Variants in WFDC13 observed in about 807,000 individuals in gnomAD.
WFDC13 encodes WAP four-disulfide core domain protein 13.
In WFDC13, 6 loss-of-function variants were observed where a neutral mutation model predicts 10.9. The observed-to-expected ratio is 0.55, with a 90% CI of 0.30 to 1.09. The LOEUF is 1.09. Ranked by LOEUF, WFDC13 falls within the 50% of genes least tolerant of loss-of-function variation. The probability of loss-of-function intolerance (pLI) is 0.06; values close to 1 mark genes in which losing one functional copy is unlikely to be tolerated. For synonymous variants in WFDC13, 38 were observed against 39.5 expected (o/e 0.96, Z 0.14); for missense variants, 104 against 109.6 (o/e 0.95, Z 0.23).
At chr20:45,707,549 C>T (rs1984445643) in intron 3 of WFDC13, among the ~76,000 whole-genome samples, 1 of 152,196 alleles carries the variant, frequency 6.6e-6, no homozygotes, top group South Asian at 2.1e-4. Context: ...TTAGTAGCTA[C>T]CATATTACAC....
chr20:45,706,268 C>T (rs1027934810), intron 3 of WFDC13, among the ~76,000 whole-genome samples: 3 of 152,154 alleles, frequency 2.0e-5, no homozygotes, highest in South Asian at 2.1e-4. Flanking sequence ...CAAGCTGAGC[C>T]CTTCACGCTC....
chr20:45,702,078 C>T lies in WFDC13; in HGVS notation c.-46C>T. ...CTCCTCACAGCAGTGCCTGGTCAAA[C>T]CCAGCAACCCTTGGCCAGAACTTAC... On this transcript the variant is annotated 5_prime_UTR_variant, in exon 1 of 4. Transcript: ENST00000305479. 1 of 1,581,796 alleles carries T rather than the reference C, an allele frequency of 6.3e-7. No homozygotes were observed. Among genetic ancestry groups the T allele is most frequent in the Non-Finnish European group, 8.6e-7 (1 of 1,160,252 alleles).
At position 45,704,498 on chromosome 20, in the gene WFDC13, TG is replaced by T; in HGVS notation, c.144del (p.Cys49ValfsTer20). On this transcript the variant is annotated frameshift_variant, in exon 2 of 4. Transcript: ENST00000305479. LOFTEE classifies it high-confidence loss of function. ...CISAPENCTHLCTMQEDCEKG... is the reference protein window; with the variant it reads ...CISAPENCTHXCTMQEDCEKG... ...TCAGCACCTGAAAACTGTACTCACC[TG>T]TGTACAATGCAGGAAGATTGCGAGA... is the stretch of plus-strand genomic sequence containing the variant. 6.2e-7 allele frequency: 1 copy of T among 1,614,186 alleles called. No homozygotes were observed. Among genetic ancestry groups the T allele is most frequent in the Non-Finnish European group, 8.5e-7 (1 of 1,180,020 alleles).
intron 1 of WFDC13, 66 bp from the exon 2 acceptor site, chr20:45,704,378 T>A: frequency 6.5e-7 from 1 of 1,542,548 alleles, no homozygotes; most frequent in Non-Finnish European, 8.7e-7. Context: ...TCCCTGGGCT[T>A]TCTGAGTTCT....
intron 2 of WFDC13, chr20:45,705,099 C>T (rs1984339747): frequency 9.1e-7 from 1 of 1,102,482 alleles, no homozygotes; most frequent in Non-Finnish European, 1.4e-6. Flanking sequence ...GGAGTGTGCT[C>T]CCAGGGCAGA....
In WFDC13 at chr20:45,702,192, T is replaced by C. The variant is rs753111448; in HGVS notation, c.69T>C (p.Ser23=). The change falls in exon 1 of 4, where the codon AGT becomes AGC. Residue 23 remains serine (S), a synonymous_variant. Coordinates refer to ENST00000305479, the MANE Select transcript of WFDC13 (RefSeq NM_172005.2). ...TAGCACTGCAGCTGGTGCCTGGGAG[T>C]CCCAAGCAGCGTGTTCTGAGTAGGT... The part of the protein sequence containing the change: ...FCLALQLVPG[S]PKQRVLKYIL... The C allele has an allele frequency of 6.2e-7, 1 of 1,612,628 alleles. No homozygotes were observed. The highest frequency in any genetic ancestry group is 1.3e-5 in the African/African-American group (1 of 74,946).
intron 1 of WFDC13, 58 bp from the exon 2 acceptor site, chr20:45,704,386 T>A (rs1984300466): frequency 2.6e-6 from 4 of 1,564,572 alleles, no homozygotes; most frequent in Non-Finnish European, 3.5e-6. Flanking sequence ...CTTTCTGAGT[T>A]CTGAACATTA....
At chr20:45,705,224 G>T (rs1984345904) in intron 2 of WFDC13, 3 of 532,366 alleles carry the variant, frequency 5.6e-6, no homozygotes, top group African/African-American at 3.8e-5. Flanking sequence ...TTTCTCATGA[G>T]TAAAATAAGT....
chr20:45,706,811 T>G (rs1699222692), intron 3 of WFDC13, among the ~76,000 whole-genome samples: 1 of 152,152 alleles, frequency 6.6e-6, no homozygotes, highest in African/African-American at 2.4e-5. Context: ...TCTTTATTAT[T>G]TTACTGATGC....
At chr20:45,706,111 G>A (rs936170355) in intron 3 of WFDC13, among the ~76,000 whole-genome samples, 184 bp downstream of exon 3, 6 of 152,100 alleles carry the variant, frequency 3.9e-5, no homozygotes, top group African/African-American at 1.2e-4. Flanking sequence ...GGGGAGGCAC[G>A]GTGCAGTCCA....
chr20:45,707,233 C>T (rs886194525), intron 3 of WFDC13, among the ~76,000 whole-genome samples: 3 of 152,230 alleles, frequency 2.0e-5, no homozygotes, highest in African/African-American at 7.2e-5. Context: ...AGTGTCCTAT[C>T]TTTGGCCTAC....
intron 2 of WFDC13, chr20:45,705,049 A>T: frequency 6.4e-7 from 1 of 1,561,080 alleles, no homozygotes; most frequent in Non-Finnish European, 8.8e-7. Flanking sequence ...AGTTTTGATT[A>T]ATTGTCCAGA....
chr20:45,706,243 C>A (rs533941312), intron 3 of WFDC13, among the ~76,000 whole-genome samples: 1 of 152,190 alleles, frequency 6.6e-6, no homozygotes, highest in Admixed American at 6.5e-5. Flanking sequence ...GTTGACAGCA[C>A]CCTGGGCAGG....
In WFDC13 at chr20:45,708,296, T is replaced by TAGC. The variant is rs1472254813; in HGVS notation, c.*461_*462insAGC. 1 of 152,264 alleles carries TAGC rather than the reference T, an allele frequency of 6.6e-6. No individual in the cohort carries two copies. Among genetic ancestry groups the TAGC allele is most frequent in the Non-Finnish European group, 1.5e-5 (1 of 68,094 alleles). The allele number at this position is 152,264 out of a possible 1,614,324, so 9.4% of individuals were successfully genotyped here. On this transcript the variant is annotated 3_prime_UTR_variant, in exon 4 of 4. Transcript: ENST00000305479. Reference sequence around the variant, plus strand: ...CTCCTTGGGGCCAGCCTTCAAGGCTTCATGGCCATATCATGAACCCAGGAC... The same window carrying TAGC: ...CTCCTTGGGGCCAGCCTTCAAGGCTTAGCCATGGCCATATCATGAACCCAGGAC...
Position 45,702,170 on chromosome 20 carries a change from C to G in WFDC13, c.47C>G (p.Ala16Gly). 6.2e-7 allele frequency: 1 copy of G among 1,613,398 alleles called. No individual in the cohort carries two copies. The highest frequency in any genetic ancestry group is 1.7e-5 in the Admixed American group (1 of 59,936). Residue 16 changes from alanine (A) to glycine (G), a missense_variant, in exon 1 of 4, where the codon GCA (alanine) becomes GGA (glycine). Transcript: ENST00000305479. Reference protein sequence around the residue: ...PLQFLVVFCLALQLVPGSPKQ... With the variant: ...PLQFLVVFCLGLQLVPGSPKQ... Reference sequence around the variant, plus strand: ...CAGTTCCTGGTGGTGTTCTGCCTAGCACTGCAGCTGGTGCCTGGGAGTCCC... The same window carrying G: ...CAGTTCCTGGTGGTGTTCTGCCTAGGACTGCAGCTGGTGCCTGGGAGTCCC...
At chr20:45,702,689 C>T (rs1390937094) in intron 1 of WFDC13, among the ~76,000 whole-genome samples, 1 of 152,148 alleles carries the variant, frequency 6.6e-6, no homozygotes, top group East Asian at 1.9e-4. Context: ...GAAGTCTTGC[C>T]TTTTATTCCA....
At chr20:45,706,054 CCTCCTCCT>C in intron 3 of WFDC13, 127 bp downstream of exon 3, 1 of 753,388 alleles carries the variant, frequency 1.3e-6, no homozygotes, top group Non-Finnish European at 2.2e-6. Context: ...TACCTGATTG[CCTCCTCCT>C]CCATCATTCC....
intron 3 of WFDC13, among the ~76,000 whole-genome samples, chr20:45,707,476 TAAAA>T (rs10582525): frequency 0.012 from 1,758 of 152,290 alleles, 38 homozygotes; most frequent in African/African-American, 0.04. Context: ...TACAATAAAA[TAAAA>T]TATTCAATCA....
In WFDC13 at chr20:45,702,216, G is replaced by A. The variant is rs1984191751; in HGVS notation, c.88+5G>A. ...GTCCCAAGCAGCGTGTTCTGAGTAG[G>A]TGCTGGATCTGGGCCCAAGGAGGGA... On this transcript the variant is annotated splice_donor_5th_base_variant and intron_variant, in intron 1 of 3. Transcript: ENST00000305479. 3.7e-6 allele frequency: 6 copies of A among 1,610,550 alleles called. No individual in the cohort carries two copies. Among genetic ancestry groups the A allele is most frequent in the African/African-American group, 1.3e-5 (1 of 74,850 alleles).
Sources: gnomAD v4.1 joint callset for allele counts (sites outside exome capture counted in the v4.1 genomes callset) on GRCh38, gnomAD v4.1.1 for gene constraint, MANE v1.5 for transcripts, NCBI Gene and HGNC (gene_info 2026-07-23, HGNC 2026-07-21) for gene names.